PDE4D: variants seen among roughly 807,000 people sequenced by gnomAD.
PDE4D encodes the protein 3',5'-cyclic-AMP phosphodiesterase 4D.
PDE4D carries 24 observed loss-of-function variants against 87.4 expected under a neutral mutation model. The ratio of observed to expected loss-of-function variants is 0.27; its 90% CI spans 0.20 to 0.39. PDE4D has a LOEUF of 0.39. Ranked by LOEUF, PDE4D falls within the 10% of genes least tolerant of loss-of-function variation. PDE4D has a pLI of 1.00. For synonymous variants in PDE4D, 384 were observed against 383.2 expected, an observed-to-expected ratio of 1.00 and a Z score of -0.02; for missense variants, 714 against 1,041.0, an observed-to-expected ratio of 0.69 and a Z score of 4.32.
chr5:59,689,873 T>C (rs1475397328), intron 1 of PDE4D, among the ~76,000 whole-genome samples: 6 of 152,096 alleles, frequency 3.9e-5, no homozygotes, highest in Non-Finnish European at 8.8e-5. Flanking sequence ...TTCAGCAAAG[T>C]CTCAGGATAC....
intron 1 of PDE4D, among the ~76,000 whole-genome samples, chr5:60,474,151 A>T (rs200224040): frequency 6.7e-4 from 22 of 32,650 alleles, no homozygotes; most frequent in African/African-American, 3.1e-3. Flanking sequence ...TATATATATA[A>T]CAAAAACCTT....
At chr5:59,721,214 T>C (rs1379902378) in intron 1 of PDE4D, among the ~76,000 whole-genome samples, 1 of 152,226 alleles carries the variant, frequency 6.6e-6, no homozygotes, top group South Asian at 2.1e-4. Flanking sequence ...TTATACATCA[T>C]TAAACTTGGA....
At position 59,738,887 on chromosome 5, in the gene PDE4D, A is replaced by T. The variant is rs903024962; in HGVS notation, c.455+154281T>A. On this transcript the variant is annotated intron_variant, in intron 1 of 14. Coordinates refer to ENST00000340635, the MANE Select transcript of PDE4D (RefSeq NM_001104631.2). ...ATAGTAGAGCTTTACACAAATTTTT[A>T]TCTAAATATCATCTTTCAATTATTT... is the stretch of plus-strand genomic sequence containing the variant. Among the ~76,000 whole-genome samples the T allele has an allele frequency of 3.2e-4, 48 of 152,120 alleles. 1 individual carries two copies. The highest frequency in any genetic ancestry group is 1.1e-3 in the African/African-American group (46 of 41,540).
At chr5:59,108,921 A>C (rs1375736867) in intron 5 of PDE4D, among the ~76,000 whole-genome samples, 1 of 149,432 alleles carries the variant, frequency 6.7e-6, no homozygotes, top group East Asian at 2.0e-4. Flanking sequence ...AAAAAAAAGA[A>C]AGAAATTAAA....
At chr5:59,297,608 AG>A (rs2153558647) in intron 1 of PDE4D, among the ~76,000 whole-genome samples, 1 of 152,228 alleles carries the variant, frequency 6.6e-6, no homozygotes, top group East Asian at 1.9e-4. Context: ...GTAAAGTTTC[AG>A]TGAGTGCAAA....
At chr5:60,059,083 A>G (rs1771117289) in intron 2 of PDE4D, among the ~76,000 whole-genome samples, 1 of 86,274 alleles carries the variant, frequency 1.2e-5, no homozygotes, top group Admixed American at 1.1e-4. Flanking sequence ...TCTGTATTCA[A>G]TAAACATGTT....
intron 1 of PDE4D, among the ~76,000 whole-genome samples, chr5:60,449,947 G>C (rs1034905271): frequency 6.7e-6 from 1 of 150,278 alleles, no homozygotes; most frequent in Non-Finnish European, 1.5e-5. Flanking sequence ...GTTTATAAAA[G>C]AGTTTTCATA....
At chr5:59,691,660 G>T (rs1362649754) in intron 1 of PDE4D, among the ~76,000 whole-genome samples, 1 of 151,430 alleles carries the variant, frequency 6.6e-6, no homozygotes, top group Non-Finnish European at 1.5e-5. Context: ...CATGGCACAT[G>T]TATACATATG....
At chr5:60,006,505 C>T (rs185177666) in intron 2 of PDE4D, among the ~76,000 whole-genome samples, 45 of 151,984 alleles carry the variant, frequency 3.0e-4, no homozygotes, top group African/African-American at 9.9e-4. Context: ...AAGGCTGGCT[C>T]TAAAACTAGG....
chr5:60,191,179 G>A (rs1241093129), intron 1 of PDE4D, among the ~76,000 whole-genome samples: 4 of 152,106 alleles, frequency 2.6e-5, no homozygotes, highest in Admixed American at 2.6e-4. Context: ...CAAAAAGTAT[G>A]TTGTACCACA....
intron 5 of PDE4D, among the ~76,000 whole-genome samples, chr5:59,169,921 C>T (rs1008593238): frequency 6.6e-6 from 1 of 152,144 alleles, no homozygotes. Context: ...TTGGGGATTC[C>T]TTTGATCAGA....
chr5:60,424,560 A>G (rs1462648355), intron 1 of PDE4D, among the ~76,000 whole-genome samples: 2 of 152,202 alleles, frequency 1.3e-5, no homozygotes, highest in African/African-American at 4.8e-5. Flanking sequence ...TTTTTGACAA[A>G]CCCACAGCCA....
intron 1 of PDE4D, among the ~76,000 whole-genome samples, chr5:59,705,669 C>T (rs1335037221): frequency 6.6e-6 from 1 of 152,176 alleles, no homozygotes; most frequent in Non-Finnish European, 1.5e-5. Flanking sequence ...CAGAACCTAT[C>T]TGGGTTACTA....
chr5:59,086,739 A>G (rs2153426265), intron 5 of PDE4D, among the ~76,000 whole-genome samples: 1 of 152,258 alleles, frequency 6.6e-6, no homozygotes, highest in South Asian at 2.1e-4. Flanking sequence ...AATCACTGAA[A>G]CCAGAAACCC....
chr5:60,185,264 T>C (rs1390487008), intron 2 of PDE4D, among the ~76,000 whole-genome samples: 2 of 152,160 alleles, frequency 1.3e-5, no homozygotes, highest in African/African-American at 2.4e-5. Context: ...CTTTTAATCA[T>C]ATATTTTCTG....
intron 11 of PDE4D, among the ~76,000 whole-genome samples, chr5:58,982,388 A>T (rs992564798): frequency 1.3e-5 from 2 of 152,148 alleles, no homozygotes; most frequent in Non-Finnish European, 2.9e-5. Flanking sequence ...GATGTTAGGG[A>T]ATATGGTAAG....
chr5:59,404,603 G>T (rs941247043), intron 1 of PDE4D, among the ~76,000 whole-genome samples: 1 of 147,942 alleles, frequency 6.8e-6, no homozygotes, highest in Non-Finnish European at 1.5e-5. Context: ...AGGCTGCTGT[G>T]AGCTGAGATC....
chr5:60,356,279 T>C (rs768720854), intron 1 of PDE4D, among the ~76,000 whole-genome samples: 4 of 152,208 alleles, frequency 2.6e-5, no homozygotes, highest in Non-Finnish European at 4.4e-5. Context: ...GCTCTGCTTA[T>C]TGAACAGCCC....
chr5:58,990,145 C>T (rs570818993), intron 9 of PDE4D, among the ~76,000 whole-genome samples: 37 of 152,240 alleles, frequency 2.4e-4, no homozygotes, highest in African/African-American at 5.8e-4. Flanking sequence ...AAGAATACTA[C>T]GCCCTAGCTG....
Sources: gnomAD v4.1 joint callset for allele counts (sites outside exome capture counted in the v4.1 genomes callset) on GRCh38, gnomAD v4.1.1 for gene constraint, MANE v1.5 for transcripts, NCBI Gene and HGNC (gene_info 2026-07-23, HGNC 2026-07-21) for gene names.